RAP1B: variants seen among roughly 807,000 people sequenced by gnomAD.
RAP1B encodes the protein ras-related protein Rap-1b.
In RAP1B, 1 loss-of-function variant was observed where a neutral mutation model predicts 27.5. That is an observed-to-expected ratio of 0.04 (90% CI 0.01 to 0.17). The LOEUF (loss-of-function observed/expected upper bound fraction) is 0.17. Ranked by LOEUF, RAP1B falls within the 10% of genes least tolerant of loss-of-function variation. The pLI, the probability that RAP1B is intolerant of heterozygous loss-of-function variation, is 1.00. For missense variants in RAP1B, 84 were observed against 214.8 expected, an observed-to-expected ratio of 0.39 and a Z score of 3.81; for synonymous variants, 75 against 73.1, an observed-to-expected ratio of 1.03 and a Z score of -0.13.
chr12:68,641,847 T>G (rs1873031850), intron 1 of RAP1B, among the ~76,000 whole-genome samples: 1 of 152,134 alleles, frequency 6.6e-6, no homozygotes, highest in Non-Finnish European at 1.5e-5. Flanking sequence ...TTTTTAGTAT[T>G]TTGATAGCTT....
intron 1 of RAP1B, among the ~76,000 whole-genome samples, chr12:68,618,686 T>G (rs980957984): frequency 4.1e-4 from 62 of 152,222 alleles, no homozygotes; most frequent in Non-Finnish European, 6.9e-4. Flanking sequence ...TAAACCAGGT[T>G]AGAGTACTTC....
intron 1 of RAP1B, among the ~76,000 whole-genome samples, chr12:68,620,087 T>C (rs937819567): frequency 2.1e-4 from 32 of 152,100 alleles, no homozygotes; most frequent in Non-Finnish European, 2.9e-5. Flanking sequence ...CCTGAGAATT[T>C]GGTGTGTTGT....
chr12:68,621,875 T>C (rs13378049), intron 1 of RAP1B, among the ~76,000 whole-genome samples: 9,437 of 152,272 alleles, frequency 0.062, 728 homozygotes, highest in African/African-American at 0.19. Context: ...TAGTTCTGCT[T>C]CCCAGCAGTC....
At chr12:68,618,948 TA>T (rs534162770) in intron 1 of RAP1B, among the ~76,000 whole-genome samples, 115 of 144,972 alleles carry the variant, frequency 7.9e-4, no homozygotes, top group Non-Finnish European at 7.2e-4. Flanking sequence ...TCTCTCCTAT[TA>T]AAAAAAAAAA....
intron 1 of RAP1B, chr12:68,642,821 T>G: frequency 2.0e-6 from 2 of 1,012,340 alleles, no homozygotes; most frequent in African/African-American, 1.5e-5. Context: ...CACGTTGGCC[T>G]TGTAGTAAGC....
intron 5 of RAP1B, 141 bp downstream of exon 5, chr12:68,654,393 G>A: frequency 1.6e-6 from 1 of 632,092 alleles, no homozygotes; most frequent in Non-Finnish European, 2.7e-6. Context: ...TCCTTGAAAG[G>A]CAAAAATACC....
Position 68,612,151 on chromosome 12 carries a change from AAATT to A in RAP1B, c.-27+1113_-27+1116del, listed in dbSNP as rs528267512. Among the ~76,000 whole-genome samples, 13 of 152,308 alleles carry A rather than the reference AAATT, an allele frequency of 8.5e-5. No individual in the cohort carries two copies. The South Asian group carries it at 2.7e-3, about 32-fold the overall frequency. On this transcript the variant is annotated intron_variant, in intron 1 of 7. Coordinates refer to ENST00000250559, the MANE Select transcript of RAP1B (RefSeq NM_001010942.3). ...TGAAGATTGTGATTTTAGTATTTTA[AAATT>A]AATTCCGTCTAATTGGATTTTGGTT... is the stretch of plus-strand genomic sequence containing the variant.
intron 1 of RAP1B, among the ~76,000 whole-genome samples, chr12:68,632,201 G>A (rs939814233): frequency 7.1e-6 from 1 of 140,520 alleles, no homozygotes; most frequent in African/African-American, 2.8e-5. Flanking sequence ...ATGCAGCCAC[G>A]GTCTCAGCTC....
At position 68,666,205 on chromosome 12, in the gene RAP1B, A is replaced by C. The variant is rs1411378332; in HGVS notation, c.*6956A>C. 1 of 152,234 alleles carries C rather than the reference A, an allele frequency of 6.6e-6. No individual in the cohort carries two copies. The highest frequency in any genetic ancestry group is 1.5e-5 in the Non-Finnish European group (1 of 68,044). 9.4% of individuals were successfully genotyped at this position (152,234 alleles called of 1,614,324 possible). A position where few individuals can be genotyped will look rare whatever the true frequency, so the allele number is the denominator to read the frequency against. On this transcript the variant is annotated 3_prime_UTR_variant, in exon 8 of 8. Coordinates refer to ENST00000250559, the MANE Select transcript of RAP1B (RefSeq NM_001010942.3). ...TATTTCTCTACTTCCCCAGTAATGT[A>C]AACTTTATTTTCTCTCAATTTTCGT...
intron 1 of RAP1B, chr12:68,626,955 T>C: frequency 6.6e-7 from 1 of 1,522,810 alleles, no homozygotes; most frequent in Non-Finnish European, 9.0e-7. Flanking sequence ...GAGCCGCTTC[T>C]CAGTCACCAT....
At chr12:68,647,557 A>G (rs1417511655) in intron 1 of RAP1B, among the ~76,000 whole-genome samples, 1 of 149,078 alleles carries the variant, frequency 6.7e-6, no homozygotes, top group African/African-American at 2.5e-5. Flanking sequence ...GGTCAGATAC[A>G]CTGCTCTTTT....
intron 1 of RAP1B, among the ~76,000 whole-genome samples, chr12:68,619,625 A>C (rs1871256088): frequency 6.6e-6 from 1 of 152,210 alleles, no homozygotes; most frequent in South Asian, 2.1e-4. Context: ...TGCTATTAAA[A>C]TATTCCCAAC....
At chr12:68,641,592 C>T (rs1459712345) in intron 1 of RAP1B, among the ~76,000 whole-genome samples, 1 of 152,106 alleles carries the variant, frequency 6.6e-6, no homozygotes, top group Non-Finnish European at 1.5e-5. Flanking sequence ...AGTGTAAAAG[C>T]TGTCAGTTAC....
intron 2 of RAP1B, 107 bp from the exon 3 acceptor site, chr12:68,650,293 T>C: frequency 1.9e-6 from 2 of 1,077,084 alleles, no homozygotes; most frequent in Non-Finnish European, 2.5e-6. Flanking sequence ...TGGTTTTTTT[T>C]TTCATTGATG....
intron 1 of RAP1B, among the ~76,000 whole-genome samples, chr12:68,621,828 T>G (rs1871405884): frequency 6.6e-6 from 1 of 152,206 alleles, no homozygotes; most frequent in Admixed American, 6.5e-5. Flanking sequence ...AGTCTTAAAA[T>G]TTCATCACTA....
At position 68,660,721 on chromosome 12, in the gene RAP1B, C is replaced by CCACCT. The variant is rs1176250875; in HGVS notation, c.*1473_*1477dup. On this transcript the variant is annotated 3_prime_UTR_variant, in exon 8 of 8. Coordinates refer to ENST00000250559, the MANE Select transcript of RAP1B (RefSeq NM_001010942.3). ...TGGTATTGTTTGAATATCCACATAACCACCTTTTGAACTTTTCCTTGAGAA... is the reference window on the plus strand; with the variant it reads ...TGGTATTGTTTGAATATCCACATAACCACCTCACCTTTTGAACTTTTCCTTGAGAA... 1 of 152,180 alleles carries CCACCT rather than the reference C, an allele frequency of 6.6e-6. No homozygotes were observed. Among genetic ancestry groups the CCACCT allele is most frequent in the Non-Finnish European group, 1.5e-5 (1 of 68,044 alleles). 9.4% of individuals were successfully genotyped at this position (152,180 alleles called of 1,614,324 possible). A position where few individuals can be genotyped will look rare whatever the true frequency, so the allele number is the denominator to read the frequency against.
At chr12:68,644,024 C>T (rs1873217430) in intron 1 of RAP1B, among the ~76,000 whole-genome samples, 1 of 151,852 alleles carries the variant, frequency 6.6e-6, no homozygotes, top group Non-Finnish European at 1.5e-5. Context: ...TAATGAGATT[C>T]CTCCTAGGCT....
chr12:68,662,034 T>TATATATATATATATATATAAA lies in RAP1B; in HGVS notation c.*2792_*2793insTATATATATATAAAATATATA, dbSNP rs1565677504. 2 of 127,800 alleles carry TATATATATATATATATATAAA rather than the reference T, an allele frequency of 1.6e-5. No homozygotes were observed. Among genetic ancestry groups the TATATATATATATATATATAAA allele is most frequent in the African/African-American group, 5.5e-5 (2 of 36,180 alleles). 7.9% of individuals were successfully genotyped at this position (127,800 alleles called of 1,614,324 possible). A position where few individuals can be genotyped will look rare whatever the true frequency, so the allele number is the denominator to read the frequency against. On this transcript the variant is annotated 3_prime_UTR_variant, in exon 8 of 8. Transcript: ENST00000250559. The stretch of plus-strand genomic sequence containing the variant: ...TATATATATATATATATATATATAT[T>TATATATATATATATATATAAA]ATATATAGTACATATATAGAGAGAG...
intron 5 of RAP1B, among the ~76,000 whole-genome samples, chr12:68,655,681 G>A (rs186086274): frequency 1.3e-5 from 2 of 152,058 alleles, no homozygotes; most frequent in East Asian, 1.9e-4. Context: ...AATTACAGGC[G>A]TGTGTCACCA....
Sources: allele counts gnomAD v4.1 joint callset (sites outside exome capture counted in the v4.1 genomes callset), GRCh38; gene constraint gnomAD v4.1.1; transcripts MANE v1.5; gene names NCBI Gene and HGNC (gene_info 2026-07-23, HGNC 2026-07-21).